The following DAPK1 variants were observed in gnomAD, a reference collection of about 807,000 sequenced individuals.
DAPK1 encodes death associated protein kinase 1, also known as death-associated protein kinase 1.
A neutral mutation model predicts 144.9 loss-of-function variants in DAPK1; 56 were observed. That is an observed-to-expected ratio of 0.39 (90% CI 0.31 to 0.48). The LOEUF (loss-of-function observed/expected upper bound fraction) is 0.48. DAPK1 is among the 20% of genes least tolerant of loss of function. DAPK1 has a pLI of 0.95. For synonymous variants in DAPK1, 690 were observed against 749.0 expected (o/e 0.92, Z 1.29); for missense variants, 1,454 against 1,875.4 (o/e 0.78, Z 4.15).
At chr9:87,525,523 C>T in intron 2 of DAPK1, 2 of 1,130,064 alleles carry the variant, frequency 1.8e-6, no homozygotes, top group Non-Finnish European at 2.7e-6. Context: ...CAATGAAAAA[C>T]CATGATAGTT....
chr9:87,633,250 T>C (rs907881940), intron 3 of DAPK1: 24 of 984,230 alleles, frequency 2.4e-5, no homozygotes, highest in Non-Finnish European at 2.9e-5. Context: ...TGAGTCCATA[T>C]GTAGAAATGA....
chr9:87,706,733 A>G lies in DAPK1; in HGVS notation c.3662A>G (p.Asn1221Ser), dbSNP rs774061570. 3 of 1,613,114 alleles carry G rather than the reference A, an allele frequency of 1.9e-6. No individual in the cohort carries two copies. The highest frequency in any genetic ancestry group is 2.2e-5 in the East Asian group (1 of 44,854). ...LLDSVCSTIE[N>S]VMATTLPGLL... ...GACTCGGTGTGCAGCACCATTGAGAACGTCATGGCCACCACGCTGCCAGGG... is the reference window on the plus strand; with the variant it reads ...GACTCGGTGTGCAGCACCATTGAGAGCGTCATGGCCACCACGCTGCCAGGG... Residue 1221 changes from asparagine (N) to serine (S), a missense_variant, in exon 26 of 26, where the codon AAC becomes AGC. Transcript: ENST00000408954. The surrounding 1 kb of genome is among the most constrained non-coding windows in gnomAD (Gnocchi z 9.0).
intron 18 of DAPK1, among the ~76,000 whole-genome samples, chr9:87,665,715 G>A (rs1831025851): frequency 1.3e-5 from 2 of 152,156 alleles, no homozygotes; most frequent in Admixed American, 1.3e-4. Context: ...TAAGTGAAGT[G>A]GCCTTTCACC....
Position 87,643,416 on chromosome 9 carries a change from G to C in DAPK1, c.959G>C (p.Arg320Thr). Residue 320 changes from arginine to threonine, a missense_variant, in exon 11 of 26, where the codon AGG (arginine) becomes ACG (threonine). This residue lies in a region of DAPK1 where 429 missense variants were observed against 637.5 expected (regional missense o/e 0.67). Transcript: ENST00000408954. Reference sequence around the variant, plus strand: ...ATATCACTGTGCCAAAGATTATCCAGGTCATTCCTGTCCAGAAGTAACATG... The same window carrying C: ...ATATCACTGTGCCAAAGATTATCCACGTCATTCCTGTCCAGAAGTAACATG... ...RLISLCQRLS[R>T]SFLSRSNMSV... 6.2e-7 allele frequency: 1 copy of C among 1,602,468 alleles called. No individual in the cohort carries two copies. Among genetic ancestry groups the C allele is most frequent in the Non-Finnish European group, 8.5e-7 (1 of 1,176,948 alleles).
intron 2 of DAPK1, among the ~76,000 whole-genome samples, chr9:87,558,459 A>G (rs17479184): frequency 0.12 from 18,093 of 152,294 alleles, 1,380 homozygotes; most frequent in Admixed American, 0.16. Flanking sequence ...CCATGAATAC[A>G]GGATCTCAGA....
chr9:87,551,038 A>G (rs923976560), intron 2 of DAPK1, among the ~76,000 whole-genome samples: 5 of 152,130 alleles, frequency 3.3e-5, no homozygotes, highest in Admixed American at 6.5e-5. Context: ...CACCTTGGCC[A>G]GCAGCCGGGA....
chr9:87,681,489 C>T lies in DAPK1; in HGVS notation c.2087C>T (p.Ser696Leu), dbSNP rs566313515. The stretch of plus-strand genomic sequence containing the variant: ...ATTAAGCTCAAGCTGTTTGGCCACT[C>T]GGGATCCGGGAAAACCACCCTTGTA... ...PRIKLKLFGH[S>L]GSGKTTLVES... Residue 696 changes from serine to leucine, a missense_variant, in exon 20 of 26, where the codon TCG becomes TTG. Physicochemically the swap from Ser to Leu is moderately radical, Grantham distance 145. Coordinates refer to ENST00000408954, the MANE Select transcript of DAPK1 (RefSeq NM_004938.4). The T allele has an allele frequency of 2.7e-5, 44 of 1,612,952 alleles. No individual in the cohort carries two copies. The highest frequency in any genetic ancestry group is 3.3e-5 in the Admixed American group (2 of 59,986).
chr9:87,639,340 C>G lies in DAPK1; in HGVS notation c.424-14C>G. On this transcript the variant is annotated splice_polypyrimidine_tract_variant and intron_variant, in intron 4 of 25. Transcript: ENST00000408954. ...ATATCATAGCTTTTTATTTATCTCT[C>G]TCTTTTTTTCAAGCCTGAGAACATA... 6.3e-7 allele frequency: 1 copy of G among 1,583,004 alleles called. No homozygotes were observed. Among genetic ancestry groups the G allele is most frequent in the South Asian group, 1.2e-5 (1 of 85,208 alleles).
intron 2 of DAPK1, chr9:87,553,837 G>A (rs539026116): frequency 6.6e-6 from 1 of 152,382 alleles, no homozygotes; most frequent in South Asian, 2.1e-4. Flanking sequence ...GGGCAATAAG[G>A]AGAGGAAGCG....
chr9:87,565,962 A>G (rs1331227547), intron 2 of DAPK1, among the ~76,000 whole-genome samples: 1 of 151,998 alleles, frequency 6.6e-6, no homozygotes. Context: ...GCCTGAGGTC[A>G]CACAGCATTT....
chr9:87,609,401 C>T (rs1036619676), intron 3 of DAPK1, among the ~76,000 whole-genome samples: 5 of 152,186 alleles, frequency 3.3e-5, no homozygotes, highest in African/African-American at 1.2e-4. Context: ...CACTAAGTAC[C>T]TAAGAACAGA....
chr9:87,560,353 C>T (rs997201167), intron 2 of DAPK1, among the ~76,000 whole-genome samples: 1 of 152,118 alleles, frequency 6.6e-6, no homozygotes, highest in Non-Finnish European at 1.5e-5. Context: ...GTTACAATCA[C>T]ATAACATTAC....
chr9:87,667,898 C>T (rs943482065), intron 18 of DAPK1: 1 of 152,160 alleles, frequency 6.6e-6, no homozygotes, highest in Non-Finnish European at 1.5e-5. Flanking sequence ...GCAGAGAGCA[C>T]TGAGAGCTGG....
At chr9:87,632,002 A>G in intron 3 of DAPK1, 1 of 749,640 alleles carries the variant, frequency 1.3e-6, no homozygotes, top group Non-Finnish European at 1.6e-6. Flanking sequence ...ATGAGTATAT[A>G]TGTAGAGATG....
At chr9:87,535,849 G>A (rs1825844152) in intron 2 of DAPK1, among the ~76,000 whole-genome samples, 1 of 152,218 alleles carries the variant, frequency 6.6e-6, no homozygotes, top group Non-Finnish European at 1.5e-5. Flanking sequence ...AGGTGACACA[G>A]ATGTAAACCG....
intron 2 of DAPK1, among the ~76,000 whole-genome samples, chr9:87,518,102 G>GTTTT (rs1405931107): frequency 4.4e-4 from 17 of 38,398 alleles, no homozygotes; most frequent in African/African-American, 6.9e-4. Flanking sequence ...CGTTTATGTT[G>GTTTT]TTGTTTTTTT....
intron 2 of DAPK1, among the ~76,000 whole-genome samples, chr9:87,586,837 A>G (rs1457423879): frequency 6.6e-6 from 1 of 152,230 alleles, no homozygotes; most frequent in East Asian, 1.9e-4. Flanking sequence ...TCTTATTATC[A>G]TAGTCTAAAC....
At chr9:87,500,822 A>C (rs989870622) in intron 2 of DAPK1, among the ~76,000 whole-genome samples, 3 of 152,152 alleles carry the variant, frequency 2.0e-5, no homozygotes, top group Non-Finnish European at 2.9e-5. Context: ...GTGCAAGGCA[A>C]ATTGACAAAT....
intron 8 of DAPK1, 36 bp from the exon 9 acceptor site, chr9:87,640,766 T>G: frequency 6.2e-7 from 1 of 1,609,388 alleles, no homozygotes; most frequent in Non-Finnish European, 8.5e-7. Context: ...GCTGCTATGG[T>G]CACAGCATTT....
Sources: allele counts gnomAD v4.1 joint callset (sites outside exome capture counted in the v4.1 genomes callset), GRCh38; gene constraint gnomAD v4.1.1; regional missense constraint gnomAD v4.1.1; non-coding constraint Gnocchi (gnomAD v3.1); transcripts MANE v1.5; gene names NCBI Gene and HGNC (gene_info 2026-07-23, HGNC 2026-07-21).